Variants in EPHA6 observed in about 807,000 individuals in gnomAD.
EPHA6 encodes the protein ephrin type-A receptor 6.
In EPHA6, 50 loss-of-function variants were observed where a neutral mutation model predicts 112.0. The observed-to-expected ratio is 0.45, with a 90% CI of 0.36 to 0.56. The LOEUF is 0.56. Among genes scored for constraint, EPHA6 ranks in the 20% least tolerant of loss-of-function variants. The pLI, the probability that EPHA6 is intolerant of heterozygous loss-of-function variation, is 0.00. For synonymous variants in EPHA6, 529 were observed against 490.7 expected (o/e 1.08, Z -1.03); for missense variants, 1,280 against 1,417.4 (o/e 0.90, Z 1.56).
At chr3:97,126,010 T>C (rs1297694221) in intron 3 of EPHA6, among the ~76,000 whole-genome samples, 3 of 152,218 alleles carry the variant, frequency 2.0e-5, no homozygotes, top group Non-Finnish European at 4.4e-5. Flanking sequence ...AAATGAGACT[T>C]ATTCAAGATC....
At chr3:97,319,989 A>G (rs945665222) in intron 5 of EPHA6, among the ~76,000 whole-genome samples, 7 of 152,022 alleles carry the variant, frequency 4.6e-5, no homozygotes, top group Non-Finnish European at 8.8e-5. Flanking sequence ...ATCTCACTTT[A>G]AAAACTCTCT....
intron 15 of EPHA6, among the ~76,000 whole-genome samples, chr3:97,722,190 C>T (rs1428327133): frequency 6.6e-6 from 1 of 152,178 alleles, no homozygotes; most frequent in East Asian, 1.9e-4. Context: ...TACTAATATA[C>T]TGGTATCAGT....
chr3:97,672,000 A>G (rs1452963948), intron 14 of EPHA6, among the ~76,000 whole-genome samples: 1 of 152,168 alleles, frequency 6.6e-6, no homozygotes, highest in Admixed American at 6.5e-5. Flanking sequence ...GATACACTAT[A>G]CATTCCTGGA....
intron 11 of EPHA6, chr3:97,560,531 C>G (rs2093174943): frequency 6.6e-6 from 1 of 151,994 alleles, no homozygotes. Context: ...TATTGGACAA[C>G]ACAAACATAG....
At chr3:97,325,387 C>T (rs2082369481) in intron 5 of EPHA6, among the ~76,000 whole-genome samples, 2 of 152,078 alleles carry the variant, frequency 1.3e-5, no homozygotes, top group African/African-American at 4.8e-5. Flanking sequence ...TGTGTGTGCA[C>T]ATCCCTGGAG....
intron 5 of EPHA6, among the ~76,000 whole-genome samples, chr3:97,278,225 C>A (rs973295554): frequency 6.6e-6 from 1 of 152,066 alleles, no homozygotes; most frequent in East Asian, 1.9e-4. Context: ...AGTTTAGACC[C>A]AATGACTGCT....
At chr3:97,678,625 T>C (rs2031602964) in intron 14 of EPHA6, among the ~76,000 whole-genome samples, 1 of 152,208 alleles carries the variant, frequency 6.6e-6, no homozygotes, top group African/African-American at 2.4e-5. Flanking sequence ...ATTAGCCTCT[T>C]GACCTGAAAG....
chr3:97,016,375 C>T (rs952835857), intron 3 of EPHA6, among the ~76,000 whole-genome samples: 1 of 152,076 alleles, frequency 6.6e-6, no homozygotes, highest in Non-Finnish European at 1.5e-5. Context: ...ACTTTAAATT[C>T]CCTCCCACTC....
intron 2 of EPHA6, among the ~76,000 whole-genome samples, chr3:96,957,373 C>G (rs192519010): frequency 4.6e-5 from 7 of 152,172 alleles, no homozygotes; most frequent in Non-Finnish European, 1.0e-4. Context: ...AAAATTTGGA[C>G]AAAATAAAGA....
chr3:97,711,374 C>T (rs573694947), intron 14 of EPHA6, among the ~76,000 whole-genome samples: 2 of 151,848 alleles, frequency 1.3e-5, no homozygotes, highest in Non-Finnish European at 2.9e-5. Flanking sequence ...TGGACTAATA[C>T]AGTCAGGATT....
chr3:97,061,432 G>A lies in EPHA6; in HGVS notation c.1114+73439G>A, dbSNP rs1015254714. Among the ~76,000 whole-genome samples the A allele has an allele frequency of 3.9e-5, 6 of 152,146 alleles. No individual in the cohort carries two copies. The East Asian group carries it at 1.2e-3, about 29-fold the overall frequency. On this transcript the variant is annotated intron_variant, in intron 3 of 17. Coordinates refer to ENST00000389672, the MANE Select transcript of EPHA6 (RefSeq NM_001080448.3). Reference sequence around the variant, plus strand: ...CCACATTCTGTACTTTGGGCCCAGAGCCTTTTTCCTCTTGTTCTTGTACCT... The same window carrying A: ...CCACATTCTGTACTTTGGGCCCAGAACCTTTTTCCTCTTGTTCTTGTACCT...
At chr3:97,018,523 G>A (rs1037474627) in intron 3 of EPHA6, among the ~76,000 whole-genome samples, 5 of 152,194 alleles carry the variant, frequency 3.3e-5, no homozygotes, top group African/African-American at 1.2e-4. Context: ...TGGCCATAGG[G>A]CCCTTCCCTG....
At chr3:97,144,309 T>C (rs1438792026) in intron 3 of EPHA6, among the ~76,000 whole-genome samples, 5 of 151,690 alleles carry the variant, frequency 3.3e-5, no homozygotes, top group Non-Finnish European at 5.9e-5. Context: ...TTTCTGTTAA[T>C]ATAATTTACA....
intron 3 of EPHA6, among the ~76,000 whole-genome samples, chr3:97,044,069 A>C (rs1419011568): frequency 6.6e-6 from 1 of 152,212 alleles, no homozygotes; most frequent in East Asian, 1.9e-4. Context: ...CAGTCAGTAG[A>C]GTTTTATCCT....
At chr3:97,684,959 C>T (rs1176920638) in intron 14 of EPHA6, among the ~76,000 whole-genome samples, 1 of 152,136 alleles carries the variant, frequency 6.6e-6, no homozygotes, top group East Asian at 1.9e-4. Context: ...ACGGGTATTG[C>T]ACGAAACTAG....
rs574375747 is a variant in EPHA6 at position 97,434,176 on chromosome 3, C to T, written c.1732-14392C>T. Among the ~76,000 whole-genome samples, 295 of 152,156 alleles carry T rather than the reference C, an allele frequency of 1.9e-3. 2 individuals are homozygous for T. Among genetic ancestry groups the T allele is most frequent in the African/African-American group, 6.8e-3 (281 of 41,520 alleles). On this transcript the variant is annotated intron_variant, in intron 6 of 17. Transcript: ENST00000389672. ...CATTTAGCTGTATTGCAATACCTCA[C>T]ATTGGAAGCTGCATTGTGTAATAAG...
chr3:97,706,514 G>C (rs143431481), intron 14 of EPHA6, among the ~76,000 whole-genome samples: 26 of 152,280 alleles, frequency 1.7e-4, no homozygotes, highest in Admixed American at 5.9e-4. Flanking sequence ...GGCTATTGCT[G>C]CTGTCTCCAA....
At chr3:97,382,104 A>T (rs1459147962) in intron 5 of EPHA6, among the ~76,000 whole-genome samples, 1 of 152,116 alleles carries the variant, frequency 6.6e-6, no homozygotes, top group Non-Finnish European at 1.5e-5. Flanking sequence ...TAAATAAACT[A>T]TTGTATGCAT....
intron 4 of EPHA6, 23 bp downstream of exon 4, chr3:97,226,442 T>C: frequency 6.3e-7 from 1 of 1,579,232 alleles, no homozygotes; most frequent in South Asian, 1.2e-5. Context: ...ATTTTGGATT[T>C]GGAAATTCTG....
Sources: allele counts gnomAD v4.1 joint callset (sites outside exome capture counted in the v4.1 genomes callset), GRCh38; gene constraint gnomAD v4.1.1; transcripts MANE v1.5; gene names NCBI Gene and HGNC (gene_info 2026-07-23, HGNC 2026-07-21).